SLC44A1: variants seen among roughly 807,000 people sequenced by gnomAD.
SLC44A1 encodes the protein solute carrier family 44 member 1.
Under a neutral mutation model 79.3 loss-of-function variants are expected in SLC44A1, and 26 were observed. The observed-to-expected ratio is 0.33, with a 90% confidence interval of 0.24 to 0.46. SLC44A1 has a LOEUF of 0.46. Among genes scored for constraint, SLC44A1 ranks in the 20% least tolerant of loss-of-function variants. The probability of loss-of-function intolerance (pLI) is 1.00; values close to 1 mark genes in which losing one functional copy is unlikely to be tolerated. For synonymous variants in SLC44A1, 263 were observed against 286.2 expected (o/e 0.92, Z 0.82); for missense variants, 688 against 798.1 (o/e 0.86, Z 1.66).
intron 12 of SLC44A1, among the ~76,000 whole-genome samples, chr9:105,373,407 A>G (rs1828174236): frequency 6.6e-6 from 1 of 152,212 alleles, no homozygotes; most frequent in Non-Finnish European, 1.5e-5. Flanking sequence ...AGAATGTAAC[A>G]TAAAAAAGAA....
intron 3 of SLC44A1, among the ~76,000 whole-genome samples, chr9:105,316,576 G>T (rs1465599149): frequency 1.3e-5 from 2 of 151,982 alleles, no homozygotes; most frequent in Non-Finnish European, 2.9e-5. Flanking sequence ...TACATTACTT[G>T]GGTAATGGAA....
At chr9:105,248,272 T>C (rs1829504406) in intron 1 of SLC44A1, among the ~76,000 whole-genome samples, 1 of 152,250 alleles carries the variant, frequency 6.6e-6, no homozygotes, top group South Asian at 2.1e-4. Context: ...AGTCTCTTGC[T>C]ATGTTGTAGA....
chr9:105,365,622 A>T lies in SLC44A1; in HGVS notation c.1393A>T (p.Ser465Cys), dbSNP rs761454959. 1.6e-5 allele frequency: 26 copies of T among 1,613,648 alleles called. No individual in the cohort carries two copies. Among genetic ancestry groups the T allele is most frequent in the Non-Finnish European group, 4.2e-6 (5 of 1,179,758 alleles). The change falls in exon 11 of 16, where the codon AGT (serine) becomes TGT (cysteine). Residue 465 changes from serine to cysteine, a missense_variant. Ser to Cys is a moderately radical substitution (Grantham distance 112). Coordinates refer to ENST00000374720, the MANE Select transcript of SLC44A1 (RefSeq NM_080546.5). Reference sequence around the variant, plus strand: ...GCGAATGATCCTTATGTATATTCACAGTCAGCTCAAAGGAAAGGTAAGGGG... The same window carrying T: ...GCGAATGATCCTTATGTATATTCACTGTCAGCTCAAAGGAAAGGTAAGGGG... ...IPRMILMYIH[S>C]QLKGKENACA...
chr9:105,252,902 A>C (rs914778404), intron 1 of SLC44A1, among the ~76,000 whole-genome samples: 1 of 152,134 alleles, frequency 6.6e-6, no homozygotes, highest in South Asian at 2.1e-4. Flanking sequence ...AAATTTAGTA[A>C]TTTTTTTGGC....
chr9:105,367,099 T>C (rs1306990021), intron 12 of SLC44A1, among the ~76,000 whole-genome samples: 1 of 152,170 alleles, frequency 6.6e-6, no homozygotes, highest in Non-Finnish European at 1.5e-5. Context: ...TATCTGAGGA[T>C]CTGGGAGTCT....
chr9:105,415,184 T>C (rs1829151456), intron 15 of SLC44A1, among the ~76,000 whole-genome samples: 1 of 152,192 alleles, frequency 6.6e-6, no homozygotes. Context: ...GCCTGATTGT[T>C]TCTGAGTAGG....
At chr9:105,252,886 T>C (rs956449125) in intron 1 of SLC44A1, among the ~76,000 whole-genome samples, 7 of 152,258 alleles carry the variant, frequency 4.6e-5, no homozygotes, top group Non-Finnish European at 1.0e-4. Flanking sequence ...ATTTATGCAT[T>C]GTGTAAAATT....
At chr9:105,365,709 C>A in intron 11 of SLC44A1, 70 bp downstream of exon 11, 3 of 1,375,496 alleles carry the variant, frequency 2.2e-6, no homozygotes, top group South Asian at 1.3e-5. Flanking sequence ...TGTAGTAAAG[C>A]ACCCAATAAT....
At chr9:105,432,552 A>G (rs1218261931) in intron 15 of SLC44A1, among the ~76,000 whole-genome samples, 1 of 152,242 alleles carries the variant, frequency 6.6e-6, no homozygotes, top group Admixed American at 6.5e-5. Flanking sequence ...TTCTGCCTTT[A>G]GGGACCAAAG....
chr9:105,293,002 A>G (rs1359603217), intron 1 of SLC44A1, among the ~76,000 whole-genome samples: 1 of 152,116 alleles, frequency 6.6e-6, no homozygotes, highest in Non-Finnish European at 1.5e-5. Context: ...CCATTTAAAA[A>G]AAAAATTAAC....
At chr9:105,428,881 T>C (rs533921434) in intron 15 of SLC44A1, among the ~76,000 whole-genome samples, 3 of 152,146 alleles carry the variant, frequency 2.0e-5, no homozygotes, top group Non-Finnish European at 4.4e-5. Flanking sequence ...AATTTTTGTA[T>C]TTTTAGTAGA....
chr9:105,358,205 A>G (rs909474958), intron 6 of SLC44A1, 139 bp from the exon 7 acceptor site: 9 of 575,424 alleles, frequency 1.6e-5, no homozygotes, highest in African/African-American at 5.7e-5. Context: ...AACAGCAGCT[A>G]GTTTCCTTCC....
At chr9:105,284,899 A>G (rs903095484) in intron 1 of SLC44A1, among the ~76,000 whole-genome samples, 10 of 152,318 alleles carry the variant, frequency 6.6e-5, no homozygotes, top group African/African-American at 2.2e-4. Context: ...TATCACCTCA[A>G]AAGAAACCCC....
chr9:105,384,295 C>T (rs990791118), intron 14 of SLC44A1, among the ~76,000 whole-genome samples: 1 of 152,054 alleles, frequency 6.6e-6, no homozygotes, highest in Non-Finnish European at 1.5e-5. Context: ...GCAGTTCTCC[C>T]TCAGCCTCCC....
At chr9:105,367,194 C>G (rs1827968231) in intron 12 of SLC44A1, among the ~76,000 whole-genome samples, 1 of 151,878 alleles carries the variant, frequency 6.6e-6, no homozygotes, top group Admixed American at 6.6e-5. Context: ...TATTAATGCC[C>G]TCATCTAATA....
intron 15 of SLC44A1, among the ~76,000 whole-genome samples, chr9:105,419,914 CAAAAAAAAA>C: frequency 1.9e-5 from 1 of 53,446 alleles, no homozygotes; most frequent in East Asian, 5.9e-4. Context: ...AACTCTGTCT[CAAAAAAAAA>C]AAAAAAAAAA....
At position 105,366,375 on chromosome 9, in the gene SLC44A1, A is replaced by G; in HGVS notation, c.1440A>G (p.Lys480=). ...KENACARCVL[K]SCICCLWCLE... ...ATGCTTGTGCACGATGTGTGCTGAA[A>G]TCTTGCATTTGTTGCCTTTGGTGTC... Residue 480 remains lysine, a synonymous_variant, in exon 12 of 16, where the codon AAA becomes AAG. Coordinates refer to ENST00000374720, the MANE Select transcript of SLC44A1 (RefSeq NM_080546.5). The G allele has an allele frequency of 3.9e-6, 6 of 1,530,836 alleles. No homozygotes were observed. Among genetic ancestry groups the G allele is most frequent in the Non-Finnish European group, 5.3e-6 (6 of 1,140,150 alleles). 94.8% of individuals were successfully genotyped at this position (1,530,836 alleles called of 1,614,324 possible).
rs1828841453 is a variant in SLC44A1 at position 105,394,719 on chromosome 9, A to C, written c.*5663A>C. On this transcript the variant is annotated 3_prime_UTR_variant, in exon 16 of 16. Transcript: ENST00000374720. ...AAGATGATGATAAATTAGCAAACTC[A>C]AGGGTAGTCCATAGTTGGCAAAAAA... 7.1e-6 allele frequency: 7 copies of C among 985,298 alleles called. No homozygotes were observed. The highest frequency in any genetic ancestry group is 3.5e-5 in the African/African-American group (2 of 57,236). 61.0% of individuals were successfully genotyped at this position (985,298 alleles called of 1,614,324 possible).
intron 3 of SLC44A1, among the ~76,000 whole-genome samples, chr9:105,320,075 T>C (rs79600643): frequency 0.013 from 1,941 of 152,262 alleles, 43 homozygotes; most frequent in African/African-American, 0.044. Flanking sequence ...TATAGTTTTG[T>C]TTTTTCTAGA....
Sources: allele counts gnomAD v4.1 joint callset (sites outside exome capture counted in the v4.1 genomes callset), GRCh38; gene constraint gnomAD v4.1.1; transcripts MANE v1.5; gene names NCBI Gene and HGNC (gene_info 2026-07-23, HGNC 2026-07-21).